The following CYP4Z1 variants were observed in gnomAD, a reference collection of about 807,000 sequenced individuals.
The protein encoded by CYP4Z1 is cytochrome P450 family 4 subfamily Z member 1, also known as cytochrome P450 4Z1.
CYP4Z1 carries 41 observed loss-of-function variants against 54.2 expected under a neutral mutation model. The ratio of observed to expected loss-of-function variants is 0.76; its 90% CI spans 0.59 to 0.98. The LOEUF (loss-of-function observed/expected upper bound fraction) is 0.98. Among genes scored for constraint, CYP4Z1 ranks in the 50% least tolerant of loss-of-function variants. The pLI is 0.00. For synonymous variants in CYP4Z1, 163 were observed against 206.2 expected, an observed-to-expected ratio of 0.79 and a Z score of 1.79; for missense variants, 513 against 599.0, an observed-to-expected ratio of 0.86 and a Z score of 1.50.
chr1:47,112,037 C>T (rs764020558), intron 9 of CYP4Z1, among the ~76,000 whole-genome samples: 8 of 151,802 alleles, frequency 5.3e-5, no homozygotes, highest in Non-Finnish European at 7.4e-5. Flanking sequence ...ACATTGACGT[C>T]GAAAACAACT....
chr1:47,057,335 A>AAAAAAAAAAAAAAAAATATAT, the CYP4Z1 span, among the ~76,000 whole-genome samples: 3 of 28,484 alleles, frequency 1.1e-4, no homozygotes, highest in Non-Finnish European at 2.5e-4. Flanking sequence ...AAGAAAAAAA[A>AAAAAAAAAAAAAAAAATATAT]ATATATATAT....
chr1:47,090,383 A>C lies in CYP4Z1; in HGVS notation c.773-4183A>C, dbSNP rs866145806. ...CAGAGTTCCACATTGTGGGTGCTAC[A>C]GTGTATACTTCTTTTGCAAATAGTA... On this transcript the variant is annotated intron_variant, in intron 6 of 11. Transcript: ENST00000334194. Among the ~76,000 whole-genome samples the C allele has an allele frequency of 3.4e-4, 52 of 151,938 alleles. 3 individuals are homozygous for C. Among genetic ancestry groups the C allele is most frequent in the African/African-American group, 1.2e-3 (48 of 41,506 alleles).
chr1:47,103,860 T>G (rs1178851309), intron 8 of CYP4Z1, among the ~76,000 whole-genome samples: 2 of 151,796 alleles, frequency 1.3e-5, no homozygotes, highest in East Asian at 3.9e-4. Flanking sequence ...CCTCCCAAAG[T>G]GCTGGGATTA....
chr1:47,061,457 A>C, the CYP4Z1 span, among the ~76,000 whole-genome samples: 4,963 of 152,268 alleles, frequency 0.033, 281 homozygotes, highest in African/African-American at 0.11. Flanking sequence ...TTCTGGACAC[A>C]TACACCTTCC....
intron 2 of CYP4Z1, among the ~76,000 whole-genome samples, chr1:47,078,872 G>A (rs552953399): frequency 6.7e-6 from 1 of 148,542 alleles, no homozygotes; most frequent in African/African-American, 2.5e-5. Context: ...TCCTACCCTG[G>A]GTATGTGTAG....
At chr1:47,056,057 A>T in the CYP4Z1 span, among the ~76,000 whole-genome samples, 2 of 151,748 alleles carry the variant, frequency 1.3e-5, no homozygotes, top group Non-Finnish European at 2.9e-5. Context: ...GTGGGCATTT[A>T]TTGCTATAAA....
At chr1:47,065,082 T>C (rs1569688707), upstream of CYP4Z1, among the ~76,000 whole-genome samples, 3 of 152,158 alleles carry the variant, frequency 2.0e-5, no homozygotes, top group East Asian at 1.9e-4. Flanking sequence ...ACAATAATAG[T>C]GGGGGACTTT....
In CYP4Z1 at chr1:47,096,225, C is replaced by T. The variant is rs573112075; in HGVS notation, c.876+1556C>T. On this transcript the variant is annotated intron_variant, in intron 7 of 11. Transcript: ENST00000334194. ...TTAAGGCCAGGAGTCTGAGACAAGCCTGGGCAACATAGCAAGACCCCAACT... is the reference window on the plus strand; with the variant it reads ...TTAAGGCCAGGAGTCTGAGACAAGCTTGGGCAACATAGCAAGACCCCAACT... Among the ~76,000 whole-genome samples, 3 of 152,252 alleles carry T rather than the reference C, an allele frequency of 2.0e-5. No homozygotes were observed. In the East Asian group the frequency reaches 5.8e-4, roughly 29 times the overall value.
At chr1:47,117,487 T>C (rs1397720184) in intron 11 of CYP4Z1, among the ~76,000 whole-genome samples, 1 of 151,992 alleles carries the variant, frequency 6.6e-6, no homozygotes, top group Non-Finnish European at 1.5e-5. Context: ...GCGGTGGCTC[T>C]TACCTGTAAT....
intron 6 of CYP4Z1, among the ~76,000 whole-genome samples, chr1:47,091,724 A>T (rs1033894219): frequency 6.7e-6 from 1 of 149,838 alleles, no homozygotes; most frequent in African/African-American, 2.4e-5. Context: ...GAGTGTAAAC[A>T]GTTAAATTAT....
At position 47,096,439 on chromosome 1, in the gene CYP4Z1, A is replaced by G. The variant is rs544291514; in HGVS notation, c.876+1770A>G. On this transcript the variant is annotated intron_variant, in intron 7 of 11. Transcript: ENST00000334194. ...GTAAAAAATAAAATAACATTTGCTG[A>G]TTAGAAAAATAGTACACACTGTTTT... is the stretch of plus-strand genomic sequence containing the variant. Among the ~76,000 whole-genome samples the G allele has an allele frequency of 2.0e-5, 3 of 152,250 alleles. No individual in the cohort carries two copies. In the South Asian group the frequency reaches 6.2e-4, roughly 32 times the overall value.
At chr1:47,083,529 C>T (rs1461559153) in intron 4 of CYP4Z1, among the ~76,000 whole-genome samples, 1 of 152,202 alleles carries the variant, frequency 6.6e-6, no homozygotes. Flanking sequence ...GGTGCAGTGG[C>T]TCATGCCTGT....
intron 8 of CYP4Z1, among the ~76,000 whole-genome samples, chr1:47,105,647 G>A (rs4314923): frequency 0.43 from 65,374 of 151,992 alleles, 15,418 homozygotes; most frequent in East Asian, 0.96. Context: ...TCCCTTAGAT[G>A]ATCTATTTGA....
In CYP4Z1 at chr1:47,099,131, A is replaced by G; in HGVS notation, c.914A>G (p.Gln305Arg). The stretch of plus-strand genomic sequence containing the variant: ...AAAGATTTCTCTGAAGCAGATCTCC[A>G]GGCTGAAGTGAAAACGTTCATGTTT... ...NTKDFSEADL[Q>R]AEVKTFMFAG... Residue 305 changes from glutamine to arginine, a missense_variant, in exon 8 of 12, where the codon CAG becomes CGG. By Grantham distance (43) the Gln-to-Arg change is conservative (BLOSUM62 1). Transcript: ENST00000334194. 6.2e-7 allele frequency: 1 copy of G among 1,614,114 alleles called. No individual in the cohort carries two copies. The highest frequency in any genetic ancestry group is 8.5e-7 in the Non-Finnish European group (1 of 1,179,988).
intron 9 of CYP4Z1, 60 bp from the exon 10 acceptor site, chr1:47,115,469 A>G: frequency 2.0e-6 from 3 of 1,472,346 alleles, no homozygotes; most frequent in Non-Finnish European, 1.9e-6. Flanking sequence ...GTAAAAGAGA[A>G]AAAAAAAAAG....
At chr1:47,064,080 CTTTTTT>C (rs34267768), upstream of CYP4Z1, among the ~76,000 whole-genome samples, 1 of 119,554 alleles carries the variant, frequency 8.4e-6, no homozygotes, top group African/African-American at 3.2e-5. Context: ...GATTTGGGTC[CTTTTTT>C]TTTTTTTTTT....
chr1:47,057,365 T>A, the CYP4Z1 span, among the ~76,000 whole-genome samples: 120 of 117,950 alleles, frequency 1.0e-3, 4 homozygotes, highest in Admixed American at 3.6e-3. Context: ...TATATATATA[T>A]ATATATATAT....
intron 9 of CYP4Z1, among the ~76,000 whole-genome samples, chr1:47,113,730 A>C (rs905177705): frequency 8.5e-5 from 13 of 152,184 alleles, no homozygotes; most frequent in Non-Finnish European, 1.2e-4. Flanking sequence ...TAGGAATCCA[A>C]CTTACAAGGG....
intron 2 of CYP4Z1, among the ~76,000 whole-genome samples, chr1:47,069,568 C>G (rs1461923717): frequency 3.3e-5 from 5 of 151,666 alleles, no homozygotes; most frequent in Admixed American, 1.3e-4. Context: ...TTATGCTCTG[C>G]TCTCACCTTT....
Sources: gnomAD v4.1 joint callset for allele counts (sites outside exome capture counted in the v4.1 genomes callset) on GRCh38, gnomAD v4.1.1 for gene constraint, MANE v1.5 for transcripts, NCBI Gene and HGNC (gene_info 2026-07-23, HGNC 2026-07-21) for gene names.